RICTOR: variants seen among roughly 807,000 people sequenced by gnomAD.
RICTOR encodes RPTOR independent companion of MTOR complex 2.
In RICTOR, 49 loss-of-function variants were observed where a neutral mutation model predicts 214.9. That is an observed-to-expected ratio of 0.23 (90% CI 0.18 to 0.29). RICTOR has a LOEUF of 0.29. Among genes scored for constraint, RICTOR ranks in the 10% least tolerant of loss-of-function variants. The probability of loss-of-function intolerance (pLI) is 1.00; values close to 1 mark genes in which losing one functional copy is unlikely to be tolerated. For synonymous variants in RICTOR, 717 were observed against 711.3 expected (o/e 1.01, Z -0.13); for missense variants, 1,625 against 2,047.0 (o/e 0.79, Z 3.98).
At chr5:38,978,730 A>G in intron 8 of RICTOR, 80 bp from the exon 9 acceptor site, 2 of 663,440 alleles carry the variant, frequency 3.0e-6, no homozygotes, top group Non-Finnish European at 5.1e-6. Context: ...GTAACATTCC[A>G]TTTCTCTCTA....
rs1561485776 is a variant in RICTOR, at chr5:38,978,669, GAAGAA to G, written c.754-24_754-20del. ...AAATTCTCTATTTAAAAAAAAAAAG[GAAGAA>G]AAGAGTCTTTATTTTAAAATGCATC... On this transcript the variant is annotated intron_variant, in intron 8 of 37. Coordinates refer to ENST00000357387, the MANE Select transcript of RICTOR (RefSeq NM_152756.5). 1 of 1,187,666 alleles carries G rather than the reference GAAGAA, an allele frequency of 8.4e-7. No individual in the cohort carries two copies. Among genetic ancestry groups the G allele is most frequent in the Admixed American group, 2.0e-5 (1 of 49,706 alleles). The allele number at this position is 1,187,666 out of a possible 1,614,324, so 73.6% of individuals were successfully genotyped here. A position where few individuals can be genotyped will look rare whatever the true frequency, so the allele number is the denominator to read the frequency against.
intron 2 of RICTOR, among the ~76,000 whole-genome samples, chr5:39,070,471 G>A (rs1005112860): frequency 2.0e-5 from 3 of 151,454 alleles, no homozygotes; most frequent in East Asian, 1.9e-4. Flanking sequence ...GCGAGACTCC[G>A]TCTCAAATAA....
At chr5:39,028,324 A>C (rs1326047848) in intron 2 of RICTOR, among the ~76,000 whole-genome samples, 1 of 151,140 alleles carries the variant, frequency 6.6e-6, no homozygotes, top group Non-Finnish European at 1.5e-5. Flanking sequence ...CTGGGACTAC[A>C]GGTGCCCGCC....
chr5:39,045,876 G>A (rs1172032449), intron 2 of RICTOR, among the ~76,000 whole-genome samples: 2 of 151,892 alleles, frequency 1.3e-5, no homozygotes, highest in African/African-American at 4.8e-5. Context: ...TTTGAGTATG[G>A]ATTAGCAACC....
chr5:39,007,599 C>T (rs1367337440), intron 3 of RICTOR, among the ~76,000 whole-genome samples: 2 of 152,024 alleles, frequency 1.3e-5, no homozygotes, highest in African/African-American at 4.8e-5. Flanking sequence ...GGAAAAACTT[C>T]TCAGGACCCC....
Position 38,952,990 on chromosome 5 carries a change from G to T in RICTOR, c.2892C>A (p.Ile964=). 1.9e-6 allele frequency: 3 copies of T among 1,588,996 alleles called. No homozygotes were observed. Among genetic ancestry groups the T allele is most frequent in the Non-Finnish European group, 2.6e-6 (3 of 1,159,200 alleles). Residue 964 remains isoleucine (I), a synonymous_variant, in exon 29 of 38, where the codon ATC becomes ATA. Transcript: ENST00000357387. ...KLAKQCEVLS[I]RGTCVYVLGL... ...TTCTGAGTTAAATGACCTACCCTCT[G>T]ATGGAAAGAACTTCACACTGTTTTG... is the stretch of plus-strand genomic sequence containing the variant.
chr5:39,067,628 T>A (rs1012847056), intron 2 of RICTOR, among the ~76,000 whole-genome samples: 2 of 152,190 alleles, frequency 1.3e-5, no homozygotes, highest in Admixed American at 6.5e-5. Context: ...TTTCTCAACA[T>A]CTTACACACA....
intron 31 of RICTOR, 92 bp downstream of exon 31, chr5:38,949,620 G>A: frequency 1.7e-6 from 2 of 1,181,628 alleles, no homozygotes; most frequent in East Asian, 4.7e-5. Flanking sequence ...CAGTGATGAG[G>A]CTCACATAGT....
chr5:38,967,580 T>C (rs1750342317), intron 12 of RICTOR, among the ~76,000 whole-genome samples, 153 bp from the exon 13 acceptor site: 1 of 152,216 alleles, frequency 6.6e-6, no homozygotes, highest in Non-Finnish European at 1.5e-5. Context: ...AAATTAGTTA[T>C]GTAAATACAC....
intron 24 of RICTOR, 73 bp downstream of exon 24, chr5:38,958,370 T>C: frequency 1.1e-6 from 1 of 926,046 alleles, no homozygotes; most frequent in Non-Finnish European, 1.8e-6. Flanking sequence ...CATTTGGATT[T>C]GAATCTATCT....
chr5:39,051,683 G>A (rs530713340), intron 2 of RICTOR, among the ~76,000 whole-genome samples: 1 of 152,128 alleles, frequency 6.6e-6, no homozygotes. Context: ...AACCCAGGAG[G>A]CGGAGGCTGC....
intron 5 of RICTOR, among the ~76,000 whole-genome samples, chr5:39,001,275 T>C (rs940276185): frequency 6.6e-6 from 1 of 152,008 alleles, no homozygotes; most frequent in African/African-American, 2.4e-5. Flanking sequence ...AACCCAACAA[T>C]AGATTGCTAC....
intron 2 of RICTOR, among the ~76,000 whole-genome samples, chr5:39,048,698 A>C (rs568914984): frequency 8.5e-5 from 13 of 152,278 alleles, no homozygotes; most frequent in Admixed American, 3.9e-4. Flanking sequence ...TTTTGCCATA[A>C]TGAGTTCTAG....
At chr5:39,030,650 T>C (rs1756211246) in intron 2 of RICTOR, among the ~76,000 whole-genome samples, 2 of 152,182 alleles carry the variant, frequency 1.3e-5, no homozygotes. Flanking sequence ...TTAAGCTTTA[T>C]GAGGACAAGG....
chr5:39,038,008 C>T (rs1343374260), intron 2 of RICTOR, among the ~76,000 whole-genome samples: 2 of 152,136 alleles, frequency 1.3e-5, no homozygotes, highest in Non-Finnish European at 1.5e-5. Context: ...CTGGCAGAGA[C>T]ACAACCAAAA....
intron 3 of RICTOR, among the ~76,000 whole-genome samples, chr5:39,016,146 A>T (rs1754923152): frequency 6.6e-6 from 1 of 152,190 alleles, no homozygotes; most frequent in African/African-American, 2.4e-5. Context: ...CATAGCAAAG[A>T]AAGGGGCTGC....
chr5:39,052,455 C>A (rs949676365), intron 2 of RICTOR, among the ~76,000 whole-genome samples: 2 of 152,102 alleles, frequency 1.3e-5, no homozygotes, highest in Admixed American at 6.5e-5. Flanking sequence ...TTTTCACTTA[C>A]AATGAGTTTA....
intron 8 of RICTOR, among the ~76,000 whole-genome samples, chr5:38,980,176 C>T (rs1466188219): frequency 6.6e-6 from 1 of 151,958 alleles, no homozygotes; most frequent in Non-Finnish European, 1.5e-5. Flanking sequence ...ACAAATTAAT[C>T]GGGGTTGTTT....
chr5:38,980,404 G>A (rs1751613675), intron 8 of RICTOR, among the ~76,000 whole-genome samples: 1 of 152,160 alleles, frequency 6.6e-6, no homozygotes, highest in Non-Finnish European at 1.5e-5. Flanking sequence ...TAAGGGGACT[G>A]ATCACCTTAT....
Sources: gnomAD v4.1 joint callset for allele counts (sites outside exome capture counted in the v4.1 genomes callset) on GRCh38, gnomAD v4.1.1 for gene constraint, MANE v1.5 for transcripts, NCBI Gene and HGNC (gene_info 2026-07-23, HGNC 2026-07-21) for gene names.